The following RBM24 variants were observed in gnomAD, a reference collection of about 807,000 sequenced individuals.
The protein encoded by RBM24 is RNA-binding protein 24.
Under a neutral mutation model 23.6 loss-of-function variants are expected in RBM24, and 5 were observed. The observed-to-expected ratio is 0.21, with a 90% CI of 0.11 to 0.45. RBM24 has a LOEUF of 0.45. Ranked by LOEUF, RBM24 falls within the 20% of genes least tolerant of loss-of-function variation. RBM24 has a pLI of 0.99. For synonymous variants in RBM24, 151 were observed against 129.5 expected, an observed-to-expected ratio of 1.17 and a Z score of -1.13; for missense variants, 252 against 314.6, an observed-to-expected ratio of 0.80 and a Z score of 1.51.
intron 1 of RBM24, 185 bp from the exon 2 acceptor site, chr6:17,282,620 C>T (rs1158663254): frequency 4.3e-6 from 1 of 232,070 alleles, no homozygotes; most frequent in Non-Finnish European, 8.3e-6. Context: ...CCCCCCCCCC[C>T]ACGCCCCCGC....
At position 17,292,772 on chromosome 6, in the gene RBM24, G is replaced by A. The variant is rs1353192617; in HGVS notation, c.*653G>A. The A allele has an allele frequency of 1.3e-5, 2 of 152,648 alleles. No homozygotes were observed. Among genetic ancestry groups the A allele is most frequent in the Non-Finnish European group, 2.9e-5 (2 of 68,054 alleles). The allele number at this position is 152,648 out of a possible 1,614,324, so 9.5% of individuals were successfully genotyped here. On this transcript the variant is annotated 3_prime_UTR_variant, in exon 4 of 4. Coordinates refer to ENST00000379052, the MANE Select transcript of RBM24 (RefSeq NM_001143942.2). Reference sequence around the variant, plus strand: ...AGTGGAACTGTGGAACAAGTGATGTGGAATTAATGGGTGCAACAGCTGTAC... The same window carrying A: ...AGTGGAACTGTGGAACAAGTGATGTAGAATTAATGGGTGCAACAGCTGTAC...
chr6:17,282,821 G>C lies in RBM24; in HGVS notation c.185G>C (p.Arg62Pro). The change falls in exon 2 of 4, where the codon CGG becomes CCG. Residue 62 changes from arginine (R) to proline (P), a missense_variant. Coordinates refer to ENST00000379052, the MANE Select transcript of RBM24 (RefSeq NM_001143942.2). ...RGYGFVTMAD[R>P]AAAERACKDP... ...GTTGCTAAGGTCACCATGGCTGACCGGGCTGCTGCCGAAAGGGCCTGCAAG... is the reference window on the plus strand; with the variant it reads ...GTTGCTAAGGTCACCATGGCTGACCCGGCTGCTGCCGAAAGGGCCTGCAAG... 3 of 1,614,046 alleles carry C rather than the reference G, an allele frequency of 1.9e-6. No homozygotes were observed. The highest frequency in any genetic ancestry group is 2.5e-6 in the Non-Finnish European group (3 of 1,179,986).
chr6:17,285,481 G>A (rs987477055), intron 3 of RBM24, among the ~76,000 whole-genome samples: 3 of 151,828 alleles, frequency 2.0e-5, no homozygotes, highest in Non-Finnish European at 4.4e-5. Flanking sequence ...CATTTTTGTA[G>A]TGAGTGCTAA....
intron 1 of RBM24, 165 bp from the exon 2 acceptor site, chr6:17,282,640 A>G: frequency 2.5e-6 from 1 of 395,856 alleles, no homozygotes; most frequent in Non-Finnish European, 4.0e-6. Context: ...CCCGCCTGTT[A>G]AAAATGGGAG....
intron 3 of RBM24, among the ~76,000 whole-genome samples, chr6:17,286,711 C>A (rs1239672684): frequency 2.0e-5 from 3 of 152,068 alleles, no homozygotes; most frequent in Admixed American, 2.0e-4. Context: ...AGACTTGCAC[C>A]ACTGGGTATG....
intron 3 of RBM24, among the ~76,000 whole-genome samples, chr6:17,285,690 CT>C (rs1561734769): frequency 6.6e-6 from 1 of 152,322 alleles, no homozygotes; most frequent in South Asian, 2.1e-4. Flanking sequence ...GTCACACTAA[CT>C]TTCACCTTTC....
chr6:17,282,151 G>C, intron 1 of RBM24: 1 of 1,241,326 alleles, frequency 8.1e-7, no homozygotes, highest in East Asian at 5.6e-5. Context: ...GGCTGGGGCA[G>C]GGAGGGGACA....
rs1163851974 is a variant in RBM24, at chr6:17,290,939, AAGAG to A, written c.348-815_348-812del. 6.1e-6 allele frequency: 7 copies of A among 1,146,180 alleles called. No homozygotes were observed. The African/African-American group carries it at 6.3e-5, about 10-fold the overall frequency. 71.0% of individuals were successfully genotyped at this position (1,146,180 alleles called of 1,614,324 possible). On this transcript the variant is annotated intron_variant, in intron 3 of 3. Coordinates refer to ENST00000379052, the MANE Select transcript of RBM24 (RefSeq NM_001143942.2). ...CTTATGAATTTTATGGGGGAAAAAA[AAGAG>A]AAAGAAAGAAAATAAGTGTGCTGCA...
chr6:17,283,022 G>T (rs1486201031), intron 2 of RBM24, 94 bp downstream of exon 2: 3 of 872,860 alleles, frequency 3.4e-6, no homozygotes, highest in Non-Finnish European at 3.7e-6. Flanking sequence ...GTCTCTTTCT[G>T]TAGATGTGTT....
Position 17,291,946 on chromosome 6 carries a change from G to A in RBM24, c.538G>A (p.Ala180Thr). 6.2e-7 allele frequency: 1 copy of A among 1,612,872 alleles called. No homozygotes were observed. The part of the protein sequence containing the change: ...AAAYDQYPYA[A>T]SPAAAGYVTA... ...TGCCTATGACCAGTACCCCTATGCAGCCTCTCCAGCTGCTGCAGGATATGT... is the reference window on the plus strand; with the variant it reads ...TGCCTATGACCAGTACCCCTATGCAACCTCTCCAGCTGCTGCAGGATATGT... Residue 180 changes from alanine (A) to threonine (T), a missense_variant, in exon 4 of 4, where the codon GCC becomes ACC. Ala to Thr is a moderately conservative substitution (Grantham distance 58). Coordinates refer to ENST00000379052, the MANE Select transcript of RBM24 (RefSeq NM_001143942.2).
intron 3 of RBM24, chr6:17,288,629 G>A (rs1760266048): frequency 1.0e-6 from 1 of 985,434 alleles, no homozygotes; most frequent in Non-Finnish European, 1.2e-6. Context: ...GAGCTAGGGT[G>A]AGTGGGATTT....
rs558785132 is a variant in RBM24 at position 17,291,131 on chromosome 6, C to T, written c.348-625C>T. ...TTTAAACTCCTTTTTCTTATTTTGT[C>T]GCCTGCTTCCTTTTTTAATTATTAT... On this transcript the variant is annotated intron_variant, in intron 3 of 3. Coordinates refer to ENST00000379052, the MANE Select transcript of RBM24 (RefSeq NM_001143942.2). Among the ~76,000 whole-genome samples the T allele has an allele frequency of 1.4e-4, 21 of 152,162 alleles. 1 individual carries two copies. Among genetic ancestry groups the T allele is most frequent in the Admixed American group, 7.2e-4 (11 of 15,288 alleles).
intron 3 of RBM24, among the ~76,000 whole-genome samples, chr6:17,291,148 AATT>A (rs1323502516): frequency 6.6e-6 from 1 of 152,036 alleles, no homozygotes. Context: ...TTCCTTTTTT[AATT>A]ATTATTTTTA....
chr6:17,288,147 A>G lies in RBM24; in HGVS notation c.347+3436A>G, dbSNP rs553745076. 4.6e-5 allele frequency: 29 copies of G among 635,708 alleles called. No individual in the cohort carries two copies. The South Asian group carries it at 1.9e-3, about 42-fold the overall frequency. The allele number at this position is 635,708 out of a possible 1,614,324, so 39.4% of individuals were successfully genotyped here. ...CCTGATCACAGGACTGCTAAGTGTT[A>G]GAGGCTGAGTCTAGATTCAGAATCA... On this transcript the variant is annotated intron_variant, in intron 3 of 3. Coordinates refer to ENST00000379052, the MANE Select transcript of RBM24 (RefSeq NM_001143942.2).
chr6:17,281,728 C>G lies in RBM24; in HGVS notation c.147C>G (p.Gly49=). 4 of 1,551,314 alleles carry G rather than the reference C, an allele frequency of 2.6e-6. No homozygotes were observed. In the South Asian group the frequency reaches 3.6e-5, roughly 14 times the overall value. ...EAVVITDRQT[G]KSRGYGFVTM... is the part of the protein sequence containing the mutation. ...TGGTCATCACCGACCGGCAGACGGG[C>G]AAGTCCCGGGGCTATGGATTTGTAA... Residue 49 remains glycine, a synonymous_variant, in exon 1 of 4, where the codon GGC becomes GGG. Transcript: ENST00000379052. The surrounding 1 kb of genome is among the most constrained non-coding windows in gnomAD (Gnocchi z 7.1).
chr6:17,281,557 C>T lies in RBM24; in HGVS notation c.-25C>T. 6.7e-7 allele frequency: 1 copy of T among 1,485,418 alleles called. No individual in the cohort carries two copies. Among genetic ancestry groups the T allele is most frequent in the Non-Finnish European group, 8.9e-7 (1 of 1,117,830 alleles). 92.0% of individuals were successfully genotyped at this position (1,485,418 alleles called of 1,614,324 possible). ...GCCCGAGCCGCAGCCGCAGCCGGAG[C>T]CCGAGCCGCGGGGCGGGTGCGAAGA... On this transcript the variant is annotated 5_prime_UTR_variant, in exon 1 of 4. Coordinates refer to ENST00000379052, the MANE Select transcript of RBM24 (RefSeq NM_001143942.2). This position sits in a 1 kb window ranked among gnomAD's most constrained non-coding sequence, Gnocchi z 7.1.
chr6:17,288,723 T>C, intron 3 of RBM24: 4 of 973,936 alleles, frequency 4.1e-6, no homozygotes, highest in Non-Finnish European at 4.9e-6. Context: ...AATCTGGGAA[T>C]GTGAAGCTTG....
chr6:17,290,096 G>T, intron 3 of RBM24: 2 of 1,288,740 alleles, frequency 1.6e-6, no homozygotes, highest in Non-Finnish European at 2.0e-6. Flanking sequence ...TTTATCATTG[G>T]GGCCAAAGTC....
chr6:17,289,019 A>T, intron 3 of RBM24: 1 of 985,418 alleles, frequency 1.0e-6, no homozygotes, highest in Non-Finnish European at 1.2e-6. Flanking sequence ...TCACATAGAG[A>T]TGTCAGTGGA....
Sources: gnomAD v4.1 joint callset for allele counts (sites outside exome capture counted in the v4.1 genomes callset) on GRCh38, gnomAD v4.1.1 for gene constraint, Gnocchi (gnomAD v3.1) non-coding constraint, MANE v1.5 for transcripts, NCBI Gene and HGNC (gene_info 2026-07-23, HGNC 2026-07-21) for gene names.